The following ARAP1 variants were observed in gnomAD, a reference collection of about 807,000 sequenced individuals.
ARAP1 encodes arf-GAP with Rho-GAP domain, ANK repeat and PH domain-containing protein 1.
In ARAP1, 76 loss-of-function variants were observed where a neutral mutation model predicts 172.2. The observed-to-expected ratio is 0.44, with a 90% confidence interval of 0.37 to 0.53. ARAP1 has a LOEUF of 0.53. Among genes scored for constraint, ARAP1 ranks in the 20% least tolerant of loss-of-function variants. The pLI, the probability that ARAP1 is intolerant of heterozygous loss-of-function variation, is 0.00. For synonymous variants in ARAP1, 804 were observed against 803.3 expected, an observed-to-expected ratio of 1.00 and a Z score of -0.01; for missense variants, 1,686 against 1,977.5, an observed-to-expected ratio of 0.85 and a Z score of 2.80.
At chr11:72,750,852 C>CTGGGCA (rs1371240934) in intron 1 of ARAP1, among the ~76,000 whole-genome samples, 3 of 152,152 alleles carry the variant, frequency 2.0e-5, no homozygotes, top group African/African-American at 7.2e-5. Context: ...AGACTGAAGG[C>CTGGGCA]TGGGCAGGAA....
At position 72,710,844 on chromosome 11, in the gene ARAP1, A is replaced by G. The variant is rs1188353137; in HGVS notation, c.1213+177T>C. ...TGAGGAGTCAGTGACCGTGCCAAGC[A>G]CAGAGCCGGTCACAGAGGGTGCCCC... On this transcript the variant is annotated intron_variant, in intron 9 of 34. Coordinates refer to ENST00000393609, the MANE Select transcript of ARAP1 (RefSeq NM_001040118.3). The surrounding 1 kb of genome is among the most constrained non-coding windows in gnomAD (Gnocchi z 4.3). Among the ~76,000 whole-genome samples, 1 of 152,178 alleles carries G rather than the reference A, an allele frequency of 6.6e-6. No homozygotes were observed. The highest frequency in any genetic ancestry group is 1.5e-5 in the Non-Finnish European group (1 of 68,034).
In ARAP1 at chr11:72,696,496, A is replaced by T. The variant is rs970437947; in HGVS notation, c.3272+53T>A. The stretch of plus-strand genomic sequence containing the variant: ...GAGGGTAGTCAGCCAGGGTGGGGGT[A>T]GAAGAACCTTCATCCCATCCCCCCA... On this transcript the variant is annotated intron_variant, in intron 23 of 34. Transcript: ENST00000393609. The T allele has an allele frequency of 1.6e-5, 23 of 1,397,692 alleles. No individual in the cohort carries two copies. The Admixed American group carries it at 4.3e-4, about 26-fold the overall frequency. 86.6% of individuals were successfully genotyped at this position (1,397,692 alleles called of 1,614,324 possible).
chr11:72,705,933 T>G, intron 12 of ARAP1, 43 bp from the exon 13 acceptor site: 1 of 1,602,506 alleles, frequency 6.2e-7, no homozygotes, highest in Non-Finnish European at 8.5e-7. Context: ...GGGCCCCCCC[T>G]TCACGGGAGC....
chr11:72,737,239 C>A (rs966529033), intron 1 of ARAP1, among the ~76,000 whole-genome samples: 1 of 152,192 alleles, frequency 6.6e-6, no homozygotes, highest in South Asian at 2.1e-4. Context: ...TGCCCAGGAC[C>A]TGGCTGGGCT....
intron 1 of ARAP1, among the ~76,000 whole-genome samples, chr11:72,746,990 G>C (rs1224013597): frequency 6.6e-6 from 1 of 152,206 alleles, no homozygotes; most frequent in African/African-American, 2.4e-5. Flanking sequence ...AGCTGGCAGG[G>C]GAGACCCTGG....
At chr11:72,709,766 T>G (rs1023595809) in intron 11 of ARAP1, 104 bp downstream of exon 11, 29 of 1,205,606 alleles carry the variant, frequency 2.4e-5, no homozygotes, top group East Asian at 1.7e-4. Flanking sequence ...CGGGGCAGGG[T>G]GAGGGAACCC....
At chr11:72,696,827 C>G in intron 22 of ARAP1, 156 bp downstream of exon 22, 2 of 984,194 alleles carry the variant, frequency 2.0e-6, no homozygotes, top group South Asian at 1.7e-5. Flanking sequence ...GGGCCCCTGG[C>G]TCTGTATGGA....
intron 13 of ARAP1, 157 bp downstream of exon 13, chr11:72,705,648 T>C (rs1216190189): frequency 1.5e-6 from 1 of 685,570 alleles, no homozygotes; most frequent in African/African-American, 1.8e-5. Flanking sequence ...TTGCCAAAAA[T>C]TGCTTTTCCG....
In ARAP1 at chr11:72,726,980, C is replaced by T; in HGVS notation, c.149G>A (p.Gly50Asp). Residue 50 changes from glycine (G) to aspartate (D), a missense_variant, in exon 3 of 35, where the codon GGC (glycine) becomes GAC (aspartate). By Grantham distance (94) the Gly-to-Asp change is moderately conservative. This residue lies in a region of ARAP1 where 190 missense variants were observed against 228.6 expected (regional missense o/e 0.83). Coordinates refer to ENST00000393609, the MANE Select transcript of ARAP1 (RefSeq NM_001040118.3). This position sits in a 1 kb window ranked among gnomAD's most constrained non-coding sequence, Gnocchi z 6.5. ...GLSDTRLMDM[G>D]MLLPGHRRRI... ...GCGGCGGTGACCAGGGAGTAGCATGCCCATGTCCATCAGGCGGGTGTCGCT... is the reference window on the plus strand; with the variant it reads ...GCGGCGGTGACCAGGGAGTAGCATGTCCATGTCCATCAGGCGGGTGTCGCT... 2 of 1,604,228 alleles carry T rather than the reference C, an allele frequency of 1.2e-6. No homozygotes were observed. Among genetic ancestry groups the T allele is most frequent in the Middle Eastern group, 1.7e-4 (1 of 6,052 alleles).
rs1190407541 is a variant in ARAP1 at position 72,726,889 on chromosome 11, C to T, written c.240G>A (p.Arg80=). The change falls in exon 3 of 35, where the codon CGG becomes CGA. Residue 80 remains arginine (R), a synonymous_variant. Coordinates refer to ENST00000393609, the MANE Select transcript of ARAP1 (RefSeq NM_001040118.3). This position sits in a 1 kb window ranked among gnomAD's most constrained non-coding sequence, Gnocchi z 6.5. The part of the protein sequence containing the change: ...SPAPAPRPTP[R]PVPMKRHIFR... ...AGATGTGGCGCTTCATGGGCACAGG[C>T]CGTGGGGTGGGGCGGGGTGCAGGGG... The T allele has an allele frequency of 1.9e-6, 3 of 1,579,734 alleles. No homozygotes were observed. Among genetic ancestry groups the T allele is most frequent in the African/African-American group, 2.7e-5 (2 of 74,416 alleles).
chr11:72,697,847 T>C lies in ARAP1; in HGVS notation c.2737+64A>G, dbSNP rs1232988792. 2.7e-6 allele frequency: 4 copies of C among 1,495,350 alleles called. No homozygotes were observed. In the East Asian group the frequency reaches 7.2e-5, roughly 27 times the overall value. The allele number at this position is 1,495,350 out of a possible 1,614,324, so 92.6% of individuals were successfully genotyped here. ...AGAGTTCAGATTTCCAGGCAAGGGC[T>C]GGGGGCCTGGGAGCCCAGGATAGGG... On this transcript the variant is annotated intron_variant, in intron 19 of 34. Coordinates refer to ENST00000393609, the MANE Select transcript of ARAP1 (RefSeq NM_001040118.3).
At chr11:72,712,056 G>T in intron 7 of ARAP1, 140 bp downstream of exon 7, 2 of 1,203,496 alleles carry the variant, frequency 1.7e-6, no homozygotes, top group Non-Finnish European at 2.2e-6. Flanking sequence ...GTCACAGTGT[G>T]CCTGGAGGGA....
chr11:72,703,413 G>GT (rs199604582), intron 14 of ARAP1: 18 of 173,110 alleles, frequency 1.0e-4, no homozygotes, highest in Non-Finnish European at 1.6e-4. Flanking sequence ...GGAGCCGGGG[G>GT]GGGGGTGTGC....
chr11:72,732,788 C>T (rs547063630), intron 1 of ARAP1, among the ~76,000 whole-genome samples, 191 bp from the exon 2 acceptor site: 8 of 152,222 alleles, frequency 5.3e-5, no homozygotes, highest in Middle Eastern at 3.4e-3. Context: ...CAAAACCAGC[C>T]TGGGCAACAT....
chr11:72,711,650 T>G, intron 7 of ARAP1, 151 bp from the exon 8 acceptor site: 1 of 622,754 alleles, frequency 1.6e-6, no homozygotes, highest in Non-Finnish European at 2.9e-6. Flanking sequence ...GAAGATGGAC[T>G]TTACAGCAAG....
At position 72,712,267 on chromosome 11, in the gene ARAP1, C is replaced by T. The variant is rs767329051; in HGVS notation, c.951G>A (p.Gly317=). 45 of 1,602,976 alleles carry T rather than the reference C, an allele frequency of 2.8e-5. No homozygotes were observed. The highest frequency in any genetic ancestry group is 6.7e-5 in the East Asian group (3 of 44,782). The change falls in exon 7 of 35, where the codon GGG becomes GGA. Residue 317 remains glycine (G), a synonymous_variant. Coordinates refer to ENST00000393609, the MANE Select transcript of ARAP1 (RefSeq NM_001040118.3). ...TGACGGGGGTGGAGCCCCCAGGCGG[C>T]CCGTCCATGGGGTGTGGCGCAGCTA... ...STIAAPHPMD[G]PPGGSTPVTP... is the part of the protein sequence containing the mutation.
rs1591178416 is a variant in ARAP1, at chr11:72,695,620, C to G, written c.3429G>C (p.Glu1143Asp). The G allele has an allele frequency of 2.5e-6, 4 of 1,614,130 alleles. No homozygotes were observed. In the East Asian group the frequency reaches 8.9e-5, roughly 36 times the overall value. Residue 1143 changes from glutamate to aspartate, a missense_variant, in exon 25 of 35, where the codon GAG becomes GAC. Coordinates refer to ENST00000393609, the MANE Select transcript of ARAP1 (RefSeq NM_001040118.3). This position sits in a 1 kb window ranked among gnomAD's most constrained non-coding sequence, Gnocchi z 4.4. ...NHYVVVFSVD[E>D]EELRKQREEI... ...CCTCCCGCTGCTTCCTGAGCTCTTC[C>G]TCATCCACCTGGGAAGGGGCGAGAG...
Position 72,703,041 on chromosome 11 carries a change from C to T in ARAP1, c.2031G>A (p.Glu677=). ...CCCCACAGCCCAGGAGCGCCTGGGT[C>T]TCAGCCAGGTCTGTGGTGGTGACTG... ...CAAVTTTDLA[E]TQALLGCGAG... The change falls in exon 15 of 35, where the codon GAG becomes GAA. Residue 677 remains glutamate (E), a synonymous_variant. Transcript: ENST00000393609. The T allele has an allele frequency of 6.3e-7, 1 of 1,598,562 alleles. No individual in the cohort carries two copies. Among genetic ancestry groups the T allele is most frequent in the Non-Finnish European group, 8.5e-7 (1 of 1,173,912 alleles).
At position 72,685,572 on chromosome 11, in the gene ARAP1, CGCTGGCTCACATCAG is replaced by C; in HGVS notation, c.*77_*91del. The C allele has an allele frequency of 6.4e-7, 1 of 1,560,754 alleles. No homozygotes were observed. The highest frequency in any genetic ancestry group is 8.8e-7 in the Non-Finnish European group (1 of 1,132,576). ...GGGGTGCAGTTTCCCATGCACCCCCCGCTGGCTCACATCAGGCCTTGGAGCATAAGGGGTGTCTGA... is the reference window on the plus strand; with the variant it reads ...GGGGTGCAGTTTCCCATGCACCCCCCGCCTTGGAGCATAAGGGGTGTCTGA... On this transcript the variant is annotated 3_prime_UTR_variant, in exon 35 of 35. Transcript: ENST00000393609.
Sources: allele counts gnomAD v4.1 joint callset (sites outside exome capture counted in the v4.1 genomes callset), GRCh38; gene constraint gnomAD v4.1.1; regional missense constraint gnomAD v4.1.1; non-coding constraint Gnocchi (gnomAD v3.1); transcripts MANE v1.5; gene names NCBI Gene and HGNC (gene_info 2026-07-23, HGNC 2026-07-21).